ETF1: variants seen among roughly 807,000 people sequenced by gnomAD.
ETF1 encodes the protein eukaryotic peptide chain release factor subunit 1.
ETF1 carries 4 observed loss-of-function variants against 55.1 expected under a neutral mutation model. The ratio of observed to expected loss-of-function variants is 0.07; its 90% CI spans 0.04 to 0.17. The LOEUF (loss-of-function observed/expected upper bound fraction) is 0.17. Ranked by LOEUF, ETF1 falls within the 10% of genes least tolerant of loss-of-function variation. The probability of loss-of-function intolerance (pLI) is 1.00; values close to 1 mark genes in which losing one functional copy is unlikely to be tolerated. For synonymous variants in ETF1, 157 were observed against 182.3 expected, an observed-to-expected ratio of 0.86 and a Z score of 1.12; for missense variants, 142 against 523.6, an observed-to-expected ratio of 0.27 and a Z score of 7.11.
intron 2 of ETF1, among the ~76,000 whole-genome samples, chr5:138,527,977 G>A (rs1765547930): frequency 6.6e-6 from 1 of 151,998 alleles, no homozygotes. Context: ...TCTCTATGTT[G>A]GTCAGGCTGG....
At chr5:138,509,787 C>T (rs1404434077) in intron 9 of ETF1, among the ~76,000 whole-genome samples, 2 of 148,152 alleles carry the variant, frequency 1.3e-5, no homozygotes, top group African/African-American at 5.0e-5. Flanking sequence ...CCCATCTACT[C>T]GGGAGGCTGA....
At chr5:138,517,030 T>C (rs1000848009) in intron 4 of ETF1, among the ~76,000 whole-genome samples, 3 of 152,096 alleles carry the variant, frequency 2.0e-5, no homozygotes, top group Non-Finnish European at 2.9e-5. Flanking sequence ...AAGTATAAAG[T>C]AAAAGAAGCC....
At chr5:138,521,430 A>G (rs1218760841) in intron 2 of ETF1, among the ~76,000 whole-genome samples, 1 of 152,238 alleles carries the variant, frequency 6.6e-6, no homozygotes, top group Non-Finnish European at 1.5e-5. Context: ...CTGCTGAACT[A>G]TACACTTGTA....
At chr5:138,512,187 G>C (rs1189129992) in intron 6 of ETF1, among the ~76,000 whole-genome samples, 1 of 74,210 alleles carries the variant, frequency 1.3e-5, no homozygotes, top group African/African-American at 5.7e-5. Flanking sequence ...AAGATAGCCA[G>C]ACCCAGTCTC....
intron 2 of ETF1, among the ~76,000 whole-genome samples, chr5:138,527,909 G>A (rs1215854125): frequency 6.6e-6 from 1 of 151,884 alleles, no homozygotes; most frequent in African/African-American, 2.4e-5. Context: ...AGTAGCTGGG[G>A]TTTCAGGTAT....
intron 7 of ETF1, 60 bp from the exon 8 acceptor site, chr5:138,511,260 C>T (rs1764764013): frequency 6.3e-7 from 1 of 1,585,288 alleles, no homozygotes; most frequent in African/African-American, 1.4e-5. Context: ...GATACAAACA[C>T]ACCTATTCGA....
At chr5:138,517,162 A>G (rs1042975083) in intron 4 of ETF1, among the ~76,000 whole-genome samples, 1 of 152,134 alleles carries the variant, frequency 6.6e-6, no homozygotes, top group Non-Finnish European at 1.5e-5. Context: ...CGAGGTCAGG[A>G]GTCTGAGACC....
chr5:138,510,062 GAA>G (rs545620867), intron 9 of ETF1, among the ~76,000 whole-genome samples: 5 of 123,078 alleles, frequency 4.1e-5, no homozygotes, highest in Non-Finnish European at 3.5e-5. Context: ...CTATCTCAAA[GAA>G]AAAAAAAAAA....
intron 2 of ETF1, among the ~76,000 whole-genome samples, chr5:138,532,228 C>G (rs1339145996): frequency 6.6e-6 from 1 of 152,044 alleles, no homozygotes; most frequent in Non-Finnish European, 1.5e-5. Flanking sequence ...TTTCTTCTCC[C>G]AAATTTGCAA....
At chr5:138,530,429 T>C (rs1304264822) in intron 2 of ETF1, among the ~76,000 whole-genome samples, 1 of 151,460 alleles carries the variant, frequency 6.6e-6, no homozygotes, top group Non-Finnish European at 1.5e-5. Flanking sequence ...AGGCGCCCAC[T>C]ACCACGCCCA....
intron 9 of ETF1, 80 bp from the exon 10 acceptor site, chr5:138,508,896 C>A: frequency 6.5e-7 from 1 of 1,539,132 alleles, no homozygotes; most frequent in Non-Finnish European, 8.7e-7. Flanking sequence ...AGCCCCTTGC[C>A]CACCTATCAC....
At chr5:138,525,943 T>TA (rs35058160) in intron 2 of ETF1, among the ~76,000 whole-genome samples, 80,900 of 133,634 alleles carry the variant, frequency 0.61, 24,860 homozygotes, top group East Asian at 0.9. Context: ...AGACTCTGTT[T>TA]AAAAAAAAAA....
At chr5:138,534,414 A>G (rs988971449) in intron 2 of ETF1, among the ~76,000 whole-genome samples, 1 of 152,246 alleles carries the variant, frequency 6.6e-6, no homozygotes, top group Non-Finnish European at 1.5e-5. Context: ...GTGCAAAGCA[A>G]GAGACTGCAA....
intron 2 of ETF1, chr5:138,519,320 T>C: frequency 2.7e-6 from 1 of 364,954 alleles, no homozygotes; most frequent in Non-Finnish European, 3.8e-6. Flanking sequence ...AGTATTCTAA[T>C]GATGGGAAAG....
At chr5:138,526,599 T>C (rs1181032969) in intron 2 of ETF1, among the ~76,000 whole-genome samples, 1 of 152,112 alleles carries the variant, frequency 6.6e-6, no homozygotes, top group Non-Finnish European at 1.5e-5. Flanking sequence ...TACAGTGGCA[T>C]GATCTTGGCT....
At chr5:138,515,503 C>T (rs3849046) in intron 4 of ETF1, among the ~76,000 whole-genome samples, 78,001 of 152,040 alleles carry the variant, frequency 0.51, 20,491 homozygotes, top group Admixed American at 0.56. Flanking sequence ...CAAAATGACC[C>T]GTTAGGTAGA....
chr5:138,522,361 A>T (rs1765266561), intron 2 of ETF1, among the ~76,000 whole-genome samples: 1 of 152,226 alleles, frequency 6.6e-6, no homozygotes, highest in Non-Finnish European at 1.5e-5. Flanking sequence ...CTACAAAGAC[A>T]TAGCATGTGA....
At chr5:138,532,994 C>T (rs1396073882) in intron 2 of ETF1, among the ~76,000 whole-genome samples, 3 of 151,342 alleles carry the variant, frequency 2.0e-5, no homozygotes, top group Admixed American at 2.0e-4. Context: ...GGCTGGAGTA[C>T]AGTGGCGCCA....
At position 138,535,607 on chromosome 5, in the gene ETF1, G is replaced by C. The variant is rs935696694; in HGVS notation, c.86+7226C>G. Among the ~76,000 whole-genome samples, 6 of 150,820 alleles carry C rather than the reference G, an allele frequency of 4.0e-5. No individual in the cohort carries two copies. In the Admixed American group the frequency reaches 4.0e-4, roughly 10 times the overall value. ...GTGGTGGCGGGTGCCTGTAATCTCAGATACTTGGGAGGCTGAGGCAGGAGA... is the reference window on the plus strand; with the variant it reads ...GTGGTGGCGGGTGCCTGTAATCTCACATACTTGGGAGGCTGAGGCAGGAGA... On this transcript the variant is annotated intron_variant, in intron 2 of 10. Coordinates refer to ENST00000360541, the MANE Select transcript of ETF1 (RefSeq NM_004730.4).
Sources: gnomAD v4.1 joint callset for allele counts (sites outside exome capture counted in the v4.1 genomes callset) on GRCh38, gnomAD v4.1.1 for gene constraint, MANE v1.5 for transcripts, NCBI Gene and HGNC (gene_info 2026-07-23, HGNC 2026-07-21) for gene names.